The following PUDP variants were observed in gnomAD, a reference collection of about 807,000 sequenced individuals.
PUDP encodes pseudouridine 5'-phosphatase, also known as pseudouridine-5'-phosphatase.
In PUDP, 8 loss-of-function variants were observed where a neutral mutation model predicts 9.4. The ratio of observed to expected loss-of-function variants is 0.85; its 90% CI spans 0.50 to 1.53. The LOEUF is 1.53. Among genes scored for constraint, PUDP ranks in the 40% most tolerant of loss-of-function variants. The pLI, the probability that PUDP is intolerant of heterozygous loss-of-function variation, is 0.00. For synonymous variants in PUDP, 99 were observed against 80.7 expected, an observed-to-expected ratio of 1.23 and a Z score of -1.22; for missense variants, 188 against 189.7, an observed-to-expected ratio of 0.99 and a Z score of 0.05.
At chrX:7,085,898 C>G (rs759082817) in intron 2 of PUDP, among the ~76,000 whole-genome samples, 6 of 111,533 alleles carry the variant, frequency 5.4e-5, no homozygotes, top group African/African-American at 2.0e-4. Context: ...TGACTCTAGC[C>G]CCCTTAAAGT....
chrX:6,880,404 T>A (rs1351430821), intron 3 of PUDP, among the ~76,000 whole-genome samples: 1 of 111,910 alleles, frequency 8.9e-6, no homozygotes, highest in African/African-American at 3.2e-5. Flanking sequence ...GTCTCCAATT[T>A]CAACAGGTTG....
chrX:7,026,196 T>C (rs1012469992), intron 1 of PUDP, among the ~76,000 whole-genome samples: 16 of 112,065 alleles, frequency 1.4e-4, no homozygotes, highest in African/African-American at 5.2e-4. Context: ...TCACTATCCT[T>C]GCAACAATCA....
intron 3 of PUDP, among the ~76,000 whole-genome samples, chrX:6,772,978 C>A (rs1229773314): frequency 1.8e-5 from 2 of 112,340 alleles, no homozygotes; most frequent in East Asian, 5.5e-4. Context: ...CACAAGCTTT[C>A]TTTTTCATCT....
chrX:7,117,915 C>A (rs1310784187), intron 1 of PUDP, among the ~76,000 whole-genome samples: 2 of 113,266 alleles, frequency 1.8e-5, no homozygotes, highest in African/African-American at 6.4e-5. Context: ...TCAGCCAGGG[C>A]TCAAAGGGAG....
intron 3 of PUDP, among the ~76,000 whole-genome samples, chrX:6,765,730 A>T (rs1231542453): frequency 8.9e-6 from 1 of 111,856 alleles, no homozygotes; most frequent in Non-Finnish European, 1.9e-5. Flanking sequence ...CTCTTTGGGC[A>T]TGCAATGTGA....
chrX:7,103,103 C>T (rs184711218), intron 2 of PUDP, among the ~76,000 whole-genome samples: 1 of 111,539 alleles, frequency 9.0e-6, no homozygotes, highest in Non-Finnish European at 1.9e-5. Context: ...TCAAGGGATC[C>T]CAAATAGCCA....
chrX:7,027,931 TA>T (rs1328419778), intron 1 of PUDP, among the ~76,000 whole-genome samples: 1 of 101,935 alleles, frequency 9.8e-6, no homozygotes, highest in African/African-American at 3.5e-5. Context: ...ATAGTTTATA[TA>T]GACTATATAT....
intron 1 of PUDP, among the ~76,000 whole-genome samples, chrX:6,716,986 C>T (rs951058344): frequency 9.0e-6 from 1 of 111,098 alleles, no homozygotes; most frequent in Non-Finnish European, 1.9e-5. Context: ...CCAGGCGTGT[C>T]TTGAACTCCT....
At chrX:6,818,166 C>A (rs1359610361) in intron 3 of PUDP, among the ~76,000 whole-genome samples, 1 of 111,279 alleles carries the variant, frequency 9.0e-6, no homozygotes, top group Non-Finnish European at 1.9e-5. Flanking sequence ...CACACACACA[C>A]CCTGAGTAGT....
chrX:7,047,368 G>A (rs191108849), downstream of PUDP, among the ~76,000 whole-genome samples: 2 of 112,029 alleles, frequency 1.8e-5, no homozygotes, highest in East Asian at 5.6e-4. Flanking sequence ...AATTCTATCT[G>A]GATAACAGTT....
chrX:6,944,806 T>C (rs1168835750), intron 3 of PUDP, among the ~76,000 whole-genome samples: 1 of 111,445 alleles, frequency 9.0e-6, no homozygotes, highest in Admixed American at 9.5e-5. Context: ...CAACTCTTTG[T>C]TCTAAATTTC....
intron 3 of PUDP, among the ~76,000 whole-genome samples, chrX:6,735,247 A>G (rs1342907050): frequency 1.8e-5 from 2 of 111,622 alleles, no homozygotes; most frequent in Admixed American, 1.9e-4. Flanking sequence ...TGTTAAAGAG[A>G]TAAAAATATG....
chrX:6,723,944 GA>G (rs1427165974), upstream of PUDP, among the ~76,000 whole-genome samples: 3 of 111,647 alleles, frequency 2.7e-5, no homozygotes, highest in Non-Finnish European at 3.8e-5. Context: ...TACTCAAAAA[GA>G]TTTTTTTTTA....
chrX:6,757,344 A>C (rs1200042125), intron 3 of PUDP, among the ~76,000 whole-genome samples: 2 of 110,877 alleles, frequency 1.8e-5, no homozygotes, highest in Admixed American at 9.7e-5. Context: ...GGTTAAGGGA[A>C]TCCATAGTGC....
chrX:6,820,003 CTT>C (rs201080670), intron 3 of PUDP, among the ~76,000 whole-genome samples: 2 of 100,581 alleles, frequency 2.0e-5, no homozygotes, highest in Non-Finnish European at 2.0e-5. Flanking sequence ...ATAAATTTTT[CTT>C]TTTTTTTTTT....
At chrX:7,035,868 G>C (rs149961432) in intron 1 of PUDP, among the ~76,000 whole-genome samples, 1 of 111,629 alleles carries the variant, frequency 9.0e-6, no homozygotes, top group Non-Finnish European at 1.9e-5. Context: ...GAAGCTGTTT[G>C]GGTCATGGGG....
intron 3 of PUDP, among the ~76,000 whole-genome samples, chrX:6,733,010 T>C (rs1438099220): frequency 9.0e-6 from 1 of 111,727 alleles, no homozygotes; most frequent in Non-Finnish European, 1.9e-5. Context: ...CGCGCAAAGG[T>C]GGCATGTGGA....
chrX:6,996,610 G>GTA (rs201384472), intron 1 of PUDP, among the ~76,000 whole-genome samples: 3,337 of 103,108 alleles, frequency 0.032, 153 homozygotes, highest in African/African-American at 0.11. Flanking sequence ...ACATACATAT[G>GTA]TATATATATA....
chrX:7,031,482 C>A (rs779725728), intron 1 of PUDP, among the ~76,000 whole-genome samples: 1 of 111,822 alleles, frequency 8.9e-6, no homozygotes, highest in African/African-American at 3.3e-5. Context: ...ACGCTAAACT[C>A]GCTCCACTGC....
Sources: allele counts gnomAD v4.1 joint callset (sites outside exome capture counted in the v4.1 genomes callset), GRCh38; gene constraint gnomAD v4.1.1; transcripts MANE v1.5; gene names NCBI Gene and HGNC (gene_info 2026-07-23, HGNC 2026-07-21).